Variants in PCDHGA1 observed in about 807,000 individuals in gnomAD.
PCDHGA1 encodes protocadherin gamma subfamily A, 1, also known as protocadherin gamma-A1.
A neutral mutation model predicts 58.0 loss-of-function variants in PCDHGA1; 32 were observed. The observed-to-expected ratio is 0.55, with a 90% confidence interval of 0.42 to 0.74. The LOEUF (loss-of-function observed/expected upper bound fraction) is 0.74. Among genes scored for constraint, PCDHGA1 ranks in the 30% least tolerant of loss-of-function variants. PCDHGA1 has a pLI of 0.00. For synonymous variants in PCDHGA1, 498 were observed against 501.1 expected (o/e 0.99, Z 0.08); for missense variants, 1,205 against 1,182.3 (o/e 1.02, Z -0.28).
Position 141,491,906 on chromosome 5 carries a change from T to A in PCDHGA1, c.2422-2901T>A, listed in dbSNP as rs1490050332. On this transcript the variant is annotated intron_variant, in intron 1 of 3. Transcript: ENST00000517417. The surrounding 1 kb of genome is among the most constrained non-coding windows in gnomAD (Gnocchi z 6.9). ...ATGGGGCTCCGAGCACCGGGGGTGG[T>A]GGCGACTGTGGGCGAGGGGAGGTGG... is the stretch of plus-strand genomic sequence containing the variant. 7.1e-7 allele frequency: 1 copy of A among 1,414,468 alleles called. No individual in the cohort carries two copies. Among genetic ancestry groups the A allele is most frequent in the African/African-American group, 1.4e-5 (1 of 69,002 alleles). 87.6% of individuals were successfully genotyped at this position (1,414,468 alleles called of 1,614,324 possible).
At chr5:141,366,647 C>A in intron 1 of PCDHGA1, 1 of 1,614,222 alleles carries the variant, frequency 6.2e-7, no homozygotes, top group Non-Finnish European at 8.5e-7. Context: ...CTTTCCCCAG[C>A]CCAACTACGC....
chr5:141,478,956 T>C (rs2099484450), intron 1 of PCDHGA1, among the ~76,000 whole-genome samples: 1 of 152,200 alleles, frequency 6.6e-6, no homozygotes. Context: ...AACTACCTCA[T>C]TCCTCCACCT....
chr5:141,495,973 A>T, intron 2 of PCDHGA1, among the ~76,000 whole-genome samples: 1 of 146,986 alleles, frequency 6.8e-6, no homozygotes, highest in Admixed American at 6.8e-5. Flanking sequence ...TTTCTCTGTT[A>T]CTCTTTCTTT....
At position 141,489,657 on chromosome 5, in the gene PCDHGA1, G is replaced by T. The variant is rs755618175; in HGVS notation, c.2422-5150G>T. 6.2e-7 allele frequency: 1 copy of T among 1,614,198 alleles called. No individual in the cohort carries two copies. Among genetic ancestry groups the T allele is most frequent in the Admixed American group, 1.7e-5 (1 of 60,030 alleles). ...CTAGCTTTGCCACCCCTGAGCGAGA[G>T]ATGCGCATCTCAGAATCAGCAGCAT... On this transcript the variant is annotated intron_variant, in intron 1 of 3. Coordinates refer to ENST00000517417, the MANE Select transcript of PCDHGA1 (RefSeq NM_018912.3). This position sits in a 1 kb window ranked among gnomAD's most constrained non-coding sequence, Gnocchi z 4.5.
At chr5:141,372,238 G>C in intron 1 of PCDHGA1, 4 of 1,613,300 alleles carry the variant, frequency 2.5e-6, no homozygotes, top group Non-Finnish European at 3.4e-6. Flanking sequence ...AGCGAGCCCG[G>C]GCTGTTCAGC....
chr5:141,511,230 C>A lies in PCDHGA1; in HGVS notation c.*57C>A. On this transcript the variant is annotated 3_prime_UTR_variant, in exon 4 of 4. Transcript: ENST00000517417. ...CCTCTCCCCAACCAGCCCAGCTTCT[C>A]CTTACCTGCACCCAGGCCTCAGAGT... 6.3e-7 allele frequency: 1 copy of A among 1,597,914 alleles called. No homozygotes were observed. The highest frequency in any genetic ancestry group is 1.1e-5 in the South Asian group (1 of 89,144).
At chr5:141,422,606 C>T in intron 1 of PCDHGA1, 1 of 1,613,904 alleles carries the variant, frequency 6.2e-7, no homozygotes, top group Non-Finnish European at 8.5e-7. Flanking sequence ...TCTTACTCTG[C>T]CTACATTCCC....
rs2099727742 is a variant in PCDHGA1 at position 141,491,740 on chromosome 5, G to C, written c.2422-3067G>C. On this transcript the variant is annotated intron_variant, in intron 1 of 3. Coordinates refer to ENST00000517417, the MANE Select transcript of PCDHGA1 (RefSeq NM_018912.3). The surrounding 1 kb of genome is among the most constrained non-coding windows in gnomAD (Gnocchi z 6.9). Reference sequence around the variant, plus strand: ...GCCGCCCCGGGCGACCCCTGGGGGCGGCACTGGAGAAGCCGCCCGTCCTCA... The same window carrying C: ...GCCGCCCCGGGCGACCCCTGGGGGCCGCACTGGAGAAGCCGCCCGTCCTCA... The C allele has an allele frequency of 6.3e-7, 1 of 1,597,622 alleles. No homozygotes were observed. The highest frequency in any genetic ancestry group is 8.5e-7 in the Non-Finnish European group (1 of 1,173,228).
chr5:141,440,667 T>C (rs1330266877), intron 1 of PCDHGA1: 1 of 152,218 alleles, frequency 6.6e-6, no homozygotes, highest in East Asian at 1.9e-4. Context: ...GCAGCAACTC[T>C]ATATTTCTCT....
At position 141,454,796 on chromosome 5, in the gene PCDHGA1, A is replaced by ATTTTTTTTTTTTTTTTTTTT. The variant is rs61612330; in HGVS notation, c.2422-40001_2422-39982dup. Among the ~76,000 whole-genome samples, 20 of 77,456 alleles carry ATTTTTTTTTTTTTTTTTTTT rather than the reference A, an allele frequency of 2.6e-4. 2 individuals carry two copies. Among genetic ancestry groups the ATTTTTTTTTTTTTTTTTTTT allele is most frequent in the South Asian group, 5.1e-4 (1 of 1,960 alleles). The allele number at this position is 77,456 out of a possible 152,430, so 50.8% of individuals were successfully genotyped here. On this transcript the variant is annotated intron_variant, in intron 1 of 3. Transcript: ENST00000517417. Reference sequence around the variant, plus strand: ...AAGGAAATAATCCTCCATGGTTCTAATTTTTTTTTTTTTTTTTTTTTTTTT... The same window carrying ATTTTTTTTTTTTTTTTTTTT: ...AAGGAAATAATCCTCCATGGTTCTAATTTTTTTTTTTTTTTTTTTTTTTTTTTTTTTTTTTTTTTTTTTTT...
rs756094875 is a variant in PCDHGA1 at position 141,419,594 on chromosome 5, C to T, written c.2422-75213C>T. 2.6e-5 allele frequency: 42 copies of T among 1,611,572 alleles called. No homozygotes were observed. Among genetic ancestry groups the T allele is most frequent in the Admixed American group, 3.3e-5 (2 of 59,964 alleles). ...CGGCTCCGCGCTCTTCGACACAGTG[C>T]CGCGGGCCGCGCAGCCAGGCTACCT... On this transcript the variant is annotated intron_variant, in intron 1 of 3. Transcript: ENST00000517417.
chr5:141,468,180 C>T (rs1053758210), intron 1 of PCDHGA1, among the ~76,000 whole-genome samples: 4 of 151,744 alleles, frequency 2.6e-5, no homozygotes, highest in Non-Finnish European at 5.9e-5. Context: ...GAAAAATTTG[C>T]TGGGCATGGT....
Position 141,400,574 on chromosome 5 carries a change from T to A in PCDHGA1, c.2421+67469T>A, listed in dbSNP as rs1589419530. On this transcript the variant is annotated intron_variant, in intron 1 of 3. Transcript: ENST00000517417. ...TTTTCATTACCCACCCAATTTTCTG[T>A]ATTTACATGAAACTATCGTACATTT... 3 of 1,612,232 alleles carry A rather than the reference T, an allele frequency of 1.9e-6. No individual in the cohort carries two copies. In the Middle Eastern group the frequency reaches 4.9e-4, roughly 266 times the overall value.
At chr5:141,337,528 A>G (rs959245695) in intron 1 of PCDHGA1, among the ~76,000 whole-genome samples, 2 of 152,250 alleles carry the variant, frequency 1.3e-5, no homozygotes, top group Non-Finnish European at 2.9e-5. Flanking sequence ...TTATAAAATG[A>G]CAAATACTGT....
Position 141,339,744 on chromosome 5 carries a change from G to A in PCDHGA1, c.2421+6639G>A. 6.2e-7 allele frequency: 1 copy of A among 1,614,100 alleles called. No homozygotes were observed. Among genetic ancestry groups the A allele is most frequent in the Non-Finnish European group, 8.5e-7 (1 of 1,179,970 alleles). ...AGCATTCCGGAGAATACGCTCGTGGGCACCCGGATACTCACGGTGACCGCC... is the reference window on the plus strand; with the variant it reads ...AGCATTCCGGAGAATACGCTCGTGGACACCCGGATACTCACGGTGACCGCC... On this transcript the variant is annotated intron_variant, in intron 1 of 3. Transcript: ENST00000517417.
intron 2 of PCDHGA1, among the ~76,000 whole-genome samples, chr5:141,495,663 G>T (rs756466649): frequency 6.6e-6 from 1 of 152,050 alleles, no homozygotes; most frequent in African/African-American, 2.4e-5. Context: ...GATCTGTGCC[G>T]CCCACTGTGC....
Position 141,345,962 on chromosome 5 carries a change from G to A in PCDHGA1, c.2421+12857G>A, listed in dbSNP as rs577452868. The A allele has an allele frequency of 6.4e-5, 103 of 1,613,572 alleles. No homozygotes were observed. The African/African-American group carries it at 8.3e-4, about 13-fold the overall frequency. On this transcript the variant is annotated intron_variant, in intron 1 of 3. Transcript: ENST00000517417. The stretch of plus-strand genomic sequence containing the variant: ...GAGACGCGCTCAAGCAGAGCCTCGT[G>A]GTGGCCGTCCAGGACCACGGCCAGC...
Position 141,332,197 on chromosome 5 carries a change from C to G in PCDHGA1, c.1513C>G (p.Leu505Val), listed in dbSNP as rs1441039523. Residue 505 changes from leucine (L) to valine (V), a missense_variant, in exon 1 of 4, where the codon CTC (leucine) becomes GTC (valine). Leu to Val is a conservative substitution (Grantham distance 32). Coordinates refer to ENST00000517417, the MANE Select transcript of PCDHGA1 (RefSeq NM_018912.3). This position sits in a 1 kb window ranked among gnomAD's most constrained non-coding sequence, Gnocchi z 4.6. ...TIQGAPLSAY[L>V]SINSDTGVLY... ...CCAGGGGGCACCCCTATCTGCCTAC[C>G]TCTCCATCAACTCCGACACTGGGGT... The G allele has an allele frequency of 1.2e-6, 2 of 1,614,104 alleles. No individual in the cohort carries two copies. The highest frequency in any genetic ancestry group is 1.7e-6 in the Non-Finnish European group (2 of 1,180,054).
chr5:141,364,479 A>G (rs761634575), intron 1 of PCDHGA1: 1 of 1,614,046 alleles, frequency 6.2e-7, no homozygotes, highest in East Asian at 2.2e-5. Flanking sequence ...AACATAGCCA[A>G]GGACCTTGGG....
Sources: gnomAD v4.1 joint callset for allele counts (sites outside exome capture counted in the v4.1 genomes callset) on GRCh38, gnomAD v4.1.1 for gene constraint, Gnocchi (gnomAD v3.1) non-coding constraint, MANE v1.5 for transcripts, NCBI Gene and HGNC (gene_info 2026-07-23, HGNC 2026-07-21) for gene names.